The following TMEM132C variants were observed in gnomAD, a reference collection of about 807,000 sequenced individuals.
TMEM132C encodes the protein transmembrane protein 132C, also known as protein phosphatase 1, regulatory subunit 152.
In TMEM132C, 29 loss-of-function variants were observed where a neutral mutation model predicts 61.4. The ratio of observed to expected loss-of-function variants is 0.47; its 90% CI spans 0.35 to 0.64. TMEM132C has a LOEUF of 0.64. Ranked by LOEUF, TMEM132C falls within the 30% of genes least tolerant of loss-of-function variation. The pLI is 0.00. For missense variants in TMEM132C, 1,408 were observed against 1,476.9 expected, an observed-to-expected ratio of 0.95 and a Z score of 0.76; for synonymous variants, 656 against 633.1, an observed-to-expected ratio of 1.04 and a Z score of -0.54.
At chr12:128,349,739 G>A (rs1019113787) in intron 1 of TMEM132C, among the ~76,000 whole-genome samples, 4 of 152,112 alleles carry the variant, frequency 2.6e-5, no homozygotes, top group East Asian at 1.9e-4. Context: ...ATTTTTTCAC[G>A]TAATTTCTTT....
rs980028926 is a variant in TMEM132C at position 128,675,315 on chromosome 12, G to A, written c.1449+5755G>A. 4.6e-5 allele frequency among the ~76,000 whole-genome samples: 7 copies of A among 151,978 alleles called. 1 individual carries two copies. In the South Asian group the frequency reaches 8.3e-4, roughly 18 times the overall value. ...TACTACTCATAACATCTGCATTATCGCTATTATTAATTCTGTCTTATAGTA... is the reference window on the plus strand; with the variant it reads ...TACTACTCATAACATCTGCATTATCACTATTATTAATTCTGTCTTATAGTA... On this transcript the variant is annotated intron_variant, in intron 5 of 8. Transcript: ENST00000435159.
chr12:128,411,486 G>A lies in TMEM132C; in HGVS notation c.86-3246G>A, dbSNP rs1034872498. 3.3e-5 allele frequency among the ~76,000 whole-genome samples: 5 copies of A among 152,034 alleles called. No homozygotes were observed. In the East Asian group the frequency reaches 7.7e-4, roughly 23 times the overall value. On this transcript the variant is annotated intron_variant, in intron 1 of 8. Coordinates refer to ENST00000435159, the MANE Select transcript of TMEM132C (RefSeq NM_001136103.3). ...TTTTAACATCATTATTTATTTTGAT[G>A]CTCAAATTATCTTCAGTGTGTTCAG...
chr12:128,527,307 A>G (rs1873119767), intron 2 of TMEM132C, among the ~76,000 whole-genome samples: 1 of 152,170 alleles, frequency 6.6e-6, no homozygotes, highest in Non-Finnish European at 1.5e-5. Context: ...GTCCGGTGCT[A>G]TTATCTCATG....
chr12:128,573,295 C>G (rs1271887417), intron 3 of TMEM132C, among the ~76,000 whole-genome samples: 1 of 152,034 alleles, frequency 6.6e-6, no homozygotes, highest in Non-Finnish European at 1.5e-5. Flanking sequence ...AGTTCATGTC[C>G]TTTGTAGGGA....
rs546839422 is a variant in TMEM132C, at chr12:128,408,013, C to T, written c.86-6719C>T. The stretch of plus-strand genomic sequence containing the variant: ...AGCTCCCTTAGCCACTATACAAGGC[C>T]TTGCTCCTTTCTTTATGGTCTGTCT... On this transcript the variant is annotated intron_variant, in intron 1 of 8. Coordinates refer to ENST00000435159, the MANE Select transcript of TMEM132C (RefSeq NM_001136103.3). Among the ~76,000 whole-genome samples, 4 of 149,706 alleles carry T rather than the reference C, an allele frequency of 2.7e-5. No homozygotes were observed. In the East Asian group the frequency reaches 6.0e-4, roughly 23 times the overall value.
intron 1 of TMEM132C, among the ~76,000 whole-genome samples, chr12:128,344,310 A>ACCACAT (rs1873080513): frequency 6.6e-6 from 1 of 152,048 alleles, no homozygotes. Flanking sequence ...GGAGCCTGCC[A>ACCACAT]CCACATCCGG....
intron 3 of TMEM132C, among the ~76,000 whole-genome samples, chr12:128,558,716 G>A (rs1874410970): frequency 6.6e-6 from 1 of 152,194 alleles, no homozygotes; most frequent in South Asian, 2.1e-4. Context: ...CCTTTCAGTG[G>A]CTGGTTGGCT....
intron 4 of TMEM132C, among the ~76,000 whole-genome samples, chr12:128,619,492 C>T (rs542943301): frequency 4.9e-4 from 75 of 152,242 alleles, no homozygotes; most frequent in Non-Finnish European, 8.8e-4. Context: ...TTGCTGGTCC[C>T]TGGGCACTCT....
intron 2 of TMEM132C, among the ~76,000 whole-genome samples, chr12:128,492,873 T>C (rs1285287157): frequency 6.6e-6 from 1 of 152,260 alleles, no homozygotes; most frequent in Non-Finnish European, 1.5e-5. Flanking sequence ...CATTTGTCAA[T>C]TTTGGCTTTT....
intron 1 of TMEM132C, among the ~76,000 whole-genome samples, chr12:128,357,843 C>T (rs1873567091): frequency 6.6e-6 from 1 of 151,894 alleles, no homozygotes; most frequent in Non-Finnish European, 1.5e-5. Flanking sequence ...CACACCCACC[C>T]GAGGCCTCCC....
intron 2 of TMEM132C, among the ~76,000 whole-genome samples, chr12:128,442,478 G>A (rs555484906): frequency 6.6e-6 from 1 of 152,220 alleles, no homozygotes; most frequent in African/African-American, 2.4e-5. Context: ...TTGGATTAGG[G>A]TGAGGTTCAG....
At chr12:128,518,718 A>ATGTG (rs754178521) in intron 2 of TMEM132C, among the ~76,000 whole-genome samples, 1 of 151,418 alleles carries the variant, frequency 6.6e-6, no homozygotes, top group Admixed American at 6.6e-5. Flanking sequence ...TGGTGTGTGA[A>ATGTG]TGTGTGTGTG....
chr12:128,312,008 A>T (rs1306051420), intron 1 of TMEM132C, among the ~76,000 whole-genome samples: 1 of 152,100 alleles, frequency 6.6e-6, no homozygotes, highest in African/African-American at 2.4e-5. Context: ...GCTGAAAGGG[A>T]CCCCGGAGCG....
At chr12:128,689,341 T>C (rs116226779) in intron 5 of TMEM132C, among the ~76,000 whole-genome samples, 2,016 of 152,316 alleles carry the variant, frequency 0.013, 44 homozygotes, top group African/African-American at 0.046. Flanking sequence ...TACAATATGC[T>C]ATTATTAACT....
intron 1 of TMEM132C, among the ~76,000 whole-genome samples, chr12:128,287,381 T>C (rs780580309): frequency 5.9e-5 from 9 of 152,340 alleles, no homozygotes; most frequent in Non-Finnish European, 1.0e-4. Flanking sequence ...TCTTACATAC[T>C]TTTCACCTAG....
intron 1 of TMEM132C, among the ~76,000 whole-genome samples, chr12:128,332,959 C>T (rs1004007622): frequency 6.6e-6 from 1 of 152,108 alleles, no homozygotes; most frequent in Non-Finnish European, 1.5e-5. Flanking sequence ...GAGTCCAGGG[C>T]TAGAAAATAT....
chr12:128,594,034 C>T (rs1297022437), intron 3 of TMEM132C, among the ~76,000 whole-genome samples: 1 of 144,980 alleles, frequency 6.9e-6, no homozygotes, highest in African/African-American at 2.6e-5. Flanking sequence ...GCCCACCCAC[C>T]GCCCCTCCCC....
At chr12:128,325,942 C>CA (rs1424433115) in intron 1 of TMEM132C, among the ~76,000 whole-genome samples, 3 of 152,072 alleles carry the variant, frequency 2.0e-5, no homozygotes, top group Non-Finnish European at 4.4e-5. Context: ...CGGTCTGCAG[C>CA]CCCACAGTGA....
chr12:128,414,018 C>T (rs1868662771), intron 1 of TMEM132C, among the ~76,000 whole-genome samples: 1 of 152,168 alleles, frequency 6.6e-6, no homozygotes, highest in South Asian at 2.1e-4. Flanking sequence ...GAAGTTTGGT[C>T]TTATGTACGG....
Sources: gnomAD v4.1 joint callset for allele counts (sites outside exome capture counted in the v4.1 genomes callset) on GRCh38, gnomAD v4.1.1 for gene constraint, MANE v1.5 for transcripts, NCBI Gene and HGNC (gene_info 2026-07-23, HGNC 2026-07-21) for gene names.